The following TARBP1 variants were observed in gnomAD, a reference collection of about 807,000 sequenced individuals.
TARBP1 encodes the protein tRNA (guanosine(18)-2'-O)-methyltransferase TARBP1.
Under a neutral mutation model 178.6 loss-of-function variants are expected in TARBP1, and 144 were observed. That is an observed-to-expected ratio of 0.81 (90% CI 0.70 to 0.93). The LOEUF is 0.93. Among genes scored for constraint, TARBP1 ranks in the 40% least tolerant of loss-of-function variants. The pLI, the probability that TARBP1 is intolerant of heterozygous loss-of-function variation, is 0.00. For missense variants in TARBP1, 2,067 were observed against 2,011.7 expected, an observed-to-expected ratio of 1.03 and a Z score of -0.53; for synonymous variants, 787 against 781.0, an observed-to-expected ratio of 1.01 and a Z score of -0.13.
At chr1:234,434,656 G>A (rs1209006783) in intron 13 of TARBP1, among the ~76,000 whole-genome samples, 1 of 152,178 alleles carries the variant, frequency 6.6e-6, no homozygotes, top group Non-Finnish European at 1.5e-5. Flanking sequence ...AACTATGGGC[G>A]TTAAGCTCAG....
intron 2 of TARBP1, among the ~76,000 whole-genome samples, chr1:234,472,058 C>T (rs532054629): frequency 1.3e-5 from 2 of 152,216 alleles, no homozygotes; most frequent in African/African-American, 2.4e-5. Flanking sequence ...AAGTCCTGGA[C>T]GGGTGCGGTG....
At chr1:234,429,017 A>AT in intron 17 of TARBP1, 119 bp downstream of exon 17, 1 of 884,900 alleles carries the variant, frequency 1.1e-6, no homozygotes, top group Non-Finnish European at 1.6e-6. Context: ...GTTCAAAAAT[A>AT]TTTTTGACTG....
intron 12 of TARBP1, 111 bp from the exon 13 acceptor site, chr1:234,437,483 AAAAAT>A: frequency 1.8e-6 from 1 of 542,586 alleles, no homozygotes; most frequent in East Asian, 3.0e-5. Context: ...ATCACTTGCC[AAAAAT>A]AAATTGCAAT....
intron 20 of TARBP1, among the ~76,000 whole-genome samples, chr1:234,422,555 T>C (rs1215143089): frequency 6.6e-6 from 1 of 151,804 alleles, no homozygotes; most frequent in African/African-American, 2.4e-5. Flanking sequence ...CTCATGGAGA[T>C]AGAAAATAGA....
chr1:234,393,622 G>A lies in TARBP1; in HGVS notation c.4435+24C>T, dbSNP rs756610880. ...TGAAGACCAAAAGCTTTCAGGCAAA[G>A]CTCCCAGAAAACTCCAACTTTACCT... On this transcript the variant is annotated intron_variant, in intron 27 of 29. Coordinates refer to ENST00000040877, the MANE Select transcript of TARBP1 (RefSeq NM_005646.4). 1.9e-6 allele frequency: 3 copies of A among 1,594,132 alleles called. No individual in the cohort carries two copies. The East Asian group carries it at 6.7e-5, about 36-fold the overall frequency.
chr1:234,469,098 A>C (rs1423751760), intron 3 of TARBP1, among the ~76,000 whole-genome samples: 1 of 132,974 alleles, frequency 7.5e-6, no homozygotes, highest in African/African-American at 2.7e-5. Flanking sequence ...AAAAGGCAAA[A>C]ACCGCAACGA....
intron 9 of TARBP1, among the ~76,000 whole-genome samples, chr1:234,454,342 T>C (rs1376326858): frequency 6.6e-6 from 1 of 152,244 alleles, no homozygotes; most frequent in Admixed American, 6.5e-5. Flanking sequence ...TTAGTTTTTT[T>C]AGGTGTGATA....
chr1:234,474,245 AACACACACACACAC>A lies in TARBP1; in HGVS notation c.932-1448_932-1435del, dbSNP rs35976593. Among the ~76,000 whole-genome samples, 11 of 81,590 alleles carry A rather than the reference AACACACACACACAC, an allele frequency of 1.3e-4. No homozygotes were observed. In the South Asian group the frequency reaches 1.7e-3, roughly 13 times the overall value. 53.5% of individuals were successfully genotyped at this position (81,590 alleles called of 152,430 possible). A position where few individuals can be genotyped will look rare whatever the true frequency, so the allele number is the denominator to read the frequency against. ...GGCAAGAGCGAGGATTTGTCTCTAAAACACACACACACACACACACACACACACACACACACACA... is the reference window on the plus strand; with the variant it reads ...GGCAAGAGCGAGGATTTGTCTCTAAAACACACACACACACACACACACACA... On this transcript the variant is annotated intron_variant, in intron 1 of 29. Transcript: ENST00000040877.
intron 24 of TARBP1, among the ~76,000 whole-genome samples, chr1:234,402,030 C>T (rs546593533): frequency 3.9e-5 from 6 of 152,318 alleles, no homozygotes; most frequent in African/African-American, 1.4e-4. Context: ...CCCCAACTTC[C>T]GCATCTCCCC....
chr1:234,436,693 T>C (rs1665057631), intron 13 of TARBP1, among the ~76,000 whole-genome samples: 1 of 152,176 alleles, frequency 6.6e-6, no homozygotes. Context: ...TCAACATTTG[T>C]CCCTAGAGAT....
At position 234,398,471 on chromosome 1, in the gene TARBP1, T is replaced by A; in HGVS notation, c.4154A>T (p.Asp1385Val). The change falls in exon 26 of 30, where the codon GAT becomes GTT. Residue 1385 changes from aspartate (D) to valine (V), a missense_variant. Asp to Val is a radical substitution (Grantham distance 152). Transcript: ENST00000040877. ...ITIDKFTRFT[D>V]VPLAAGFQWY... ...CTGAAATCCCGCAGCTAAAGGAACATCAGTGAATCTGGTAAATTTATCAAT... is the reference window on the plus strand; with the variant it reads ...CTGAAATCCCGCAGCTAAAGGAACAACAGTGAATCTGGTAAATTTATCAAT... 1 of 1,611,888 alleles carries A rather than the reference T, an allele frequency of 6.2e-7. No homozygotes were observed. The highest frequency in any genetic ancestry group is 1.1e-5 in the South Asian group (1 of 90,796).
At chr1:234,455,130 T>C (rs1667149015) in intron 9 of TARBP1, among the ~76,000 whole-genome samples, 1 of 152,168 alleles carries the variant, frequency 6.6e-6, no homozygotes, top group Non-Finnish European at 1.5e-5. Context: ...GCCAGAATCT[T>C]AATTGCAGAC....
At chr1:234,412,979 C>T (rs944725633) in intron 22 of TARBP1, among the ~76,000 whole-genome samples, 4 of 152,194 alleles carry the variant, frequency 2.6e-5, no homozygotes, top group African/African-American at 7.2e-5. Context: ...CATGTCAGGA[C>T]ATGACCCGCC....
rs74451898 is a variant in TARBP1, at chr1:234,396,483, G to T, written c.4243+1899C>A. Among the ~76,000 whole-genome samples the T allele has an allele frequency of 5.3e-4, 80 of 152,190 alleles. 1 individual carries two copies. In the East Asian group the frequency reaches 0.014, roughly 27 times the overall value. On this transcript the variant is annotated intron_variant, in intron 26 of 29. Transcript: ENST00000040877. ...TCCGTCCCTCTCTTCACCCTGCTTT[G>T]TTTTTTCACGGTACTTCTACTACCA...
rs73101946 is a variant in TARBP1 at position 234,435,378 on chromosome 1, G to A, written c.2233-1807C>T. Among the ~76,000 whole-genome samples the A allele has an allele frequency of 3.2e-3, 370 of 114,614 alleles. 1 individual carries two copies. Among genetic ancestry groups the A allele is most frequent in the African/African-American group, 0.013 (361 of 28,842 alleles). The allele number at this position is 114,614 out of a possible 152,430, so 75.2% of individuals were successfully genotyped here. On this transcript the variant is annotated intron_variant, in intron 13 of 29. Transcript: ENST00000040877. ...CGCACGCCTGTAATACCAGCTACTCGAGGCTGAGGCAGAAGATTGCTTGAA... is the reference window on the plus strand; with the variant it reads ...CGCACGCCTGTAATACCAGCTACTCAAGGCTGAGGCAGAAGATTGCTTGAA...
chr1:234,423,295 C>A (rs1558182835), intron 20 of TARBP1, among the ~76,000 whole-genome samples: 1 of 152,138 alleles, frequency 6.6e-6, no homozygotes, highest in Non-Finnish European at 1.5e-5. Flanking sequence ...TAGTATTTTG[C>A]CTATGTGATT....
At chr1:234,476,804 C>T (rs1294966203) in intron 1 of TARBP1, among the ~76,000 whole-genome samples, 1 of 152,198 alleles carries the variant, frequency 6.6e-6, no homozygotes, top group Non-Finnish European at 1.5e-5. Flanking sequence ...CCCTAATATT[C>T]CGTTAAGAGG....
At chr1:234,472,680 A>T in intron 2 of TARBP1, 34 bp downstream of exon 2, 3 of 1,409,202 alleles carry the variant, frequency 2.1e-6, no homozygotes, top group Non-Finnish European at 2.9e-6. Flanking sequence ...ATTGTTATCT[A>T]CTGTAGGATT....
At chr1:234,460,002 G>A (rs983877058) in intron 7 of TARBP1, among the ~76,000 whole-genome samples, 1 of 151,176 alleles carries the variant, frequency 6.6e-6, no homozygotes, top group Non-Finnish European at 1.5e-5. Flanking sequence ...AAACTTACTG[G>A]CCTTATTTAA....
Sources: gnomAD v4.1 joint callset for allele counts (sites outside exome capture counted in the v4.1 genomes callset) on GRCh38, gnomAD v4.1.1 for gene constraint, MANE v1.5 for transcripts, NCBI Gene and HGNC (gene_info 2026-07-23, HGNC 2026-07-21) for gene names.